GNAZ: variants seen among roughly 807,000 people sequenced by gnomAD.
GNAZ encodes G protein subunit alpha z.
GNAZ carries 3 observed loss-of-function variants against 25.4 expected under a neutral mutation model. That is an observed-to-expected ratio of 0.12 (90% CI 0.05 to 0.30). The LOEUF is 0.30. Ranked by LOEUF, GNAZ falls within the 10% of genes least tolerant of loss-of-function variation. The probability of loss-of-function intolerance (pLI) is 1.00; values close to 1 mark genes in which losing one functional copy is unlikely to be tolerated. For missense variants in GNAZ, 241 were observed against 501.8 expected (o/e 0.48, Z 4.97); for synonymous variants, 211 against 205.7 (o/e 1.03, Z -0.22).
At chr22:23,100,886 G>C (rs533799876) in intron 2 of GNAZ, among the ~76,000 whole-genome samples, 4 of 152,220 alleles carry the variant, frequency 2.6e-5, no homozygotes, top group African/African-American at 9.7e-5. Flanking sequence ...GCCCAAGGCC[G>C]TCCTGTGAAC....
Position 23,124,533 on chromosome 22 carries a change from T to C in GNAZ, c.*1102T>C, listed in dbSNP as rs1237025510. The stretch of plus-strand genomic sequence containing the variant: ...TTTATTTAAGAAAATAAACACGACA[T>C]ATTTAAAGAAGGTTCTTTCACCTGG... On this transcript the variant is annotated 3_prime_UTR_variant, in exon 3 of 3. Coordinates refer to ENST00000615612, the MANE Select transcript of GNAZ (RefSeq NM_002073.4). 6.8e-6 allele frequency: 2 copies of C among 293,004 alleles called. No individual in the cohort carries two copies. Among genetic ancestry groups the C allele is most frequent in the Non-Finnish European group, 1.5e-5 (2 of 130,898 alleles). The allele number at this position is 293,004 out of a possible 1,614,324, so 18.2% of individuals were successfully genotyped here.
chr22:23,086,717 C>G (rs1202786192), intron 1 of GNAZ, among the ~76,000 whole-genome samples: 2 of 152,242 alleles, frequency 1.3e-5, no homozygotes, highest in Non-Finnish European at 2.9e-5. Context: ...GACACTGGAC[C>G]ATGACCAGAC....
chr22:23,078,498 G>A (rs978605274), intron 1 of GNAZ, among the ~76,000 whole-genome samples: 4 of 152,300 alleles, frequency 2.6e-5, no homozygotes, highest in Admixed American at 2.6e-4. Context: ...CATCTCTGTC[G>A]TGGCTCCTGG....
intron 1 of GNAZ, among the ~76,000 whole-genome samples, chr22:23,087,078 C>A (rs1315078594): frequency 6.6e-6 from 1 of 152,194 alleles, no homozygotes; most frequent in African/African-American, 2.4e-5. Flanking sequence ...GCCACAGGCA[C>A]AGGCTTTTCC....
At chr22:23,096,465 GT>G in intron 2 of GNAZ, 47 bp downstream of exon 2, 1 of 1,553,058 alleles carries the variant, frequency 6.4e-7, no homozygotes, top group Admixed American at 1.7e-5. Context: ...GCTGTCGTGG[GT>G]TCCTGGAAGC....
intron 2 of GNAZ, among the ~76,000 whole-genome samples, chr22:23,106,045 A>G (rs1436027594): frequency 6.6e-6 from 1 of 152,106 alleles, no homozygotes; most frequent in African/African-American, 2.4e-5. Flanking sequence ...CCATCTTGGA[A>G]TTTTCTGTCC....
chr22:23,080,393 C>T (rs950308034), intron 1 of GNAZ, among the ~76,000 whole-genome samples: 1 of 148,612 alleles, frequency 6.7e-6, no homozygotes, highest in Non-Finnish European at 1.5e-5. Flanking sequence ...ATCTCCCCTT[C>T]CTTTAGCAGA....
chr22:23,092,838 A>G (rs2069022038), intron 1 of GNAZ, among the ~76,000 whole-genome samples: 1 of 152,184 alleles, frequency 6.6e-6, no homozygotes, highest in Non-Finnish European at 1.5e-5. Context: ...GCCTGGCTGT[A>G]CCTCAGATTT....
chr22:23,078,128 G>A (rs971269899), intron 1 of GNAZ, among the ~76,000 whole-genome samples: 5 of 152,326 alleles, frequency 3.3e-5, no homozygotes, highest in East Asian at 1.9e-4. Flanking sequence ...GCCTGTCTCC[G>A]AGCTGGGCTT....
At chr22:23,098,890 G>A (rs2069205845) in intron 2 of GNAZ, among the ~76,000 whole-genome samples, 1 of 152,260 alleles carries the variant, frequency 6.6e-6, no homozygotes, top group Non-Finnish European at 1.5e-5. Context: ...TGCTGGCACG[G>A]GCTGGCACAG....
At chr22:23,089,909 AG>A (rs1307913627) in intron 1 of GNAZ, among the ~76,000 whole-genome samples, 8 of 152,152 alleles carry the variant, frequency 5.3e-5, no homozygotes, top group Non-Finnish European at 1.0e-4. Context: ...GGGAGGAGGC[AG>A]GCAGGTGCAG....
At chr22:23,087,254 C>T (rs2068845439) in intron 1 of GNAZ, among the ~76,000 whole-genome samples, 1 of 152,074 alleles carries the variant, frequency 6.6e-6, no homozygotes, top group Non-Finnish European at 1.5e-5. Flanking sequence ...TTGCTTGAGC[C>T]CAGGAGTTCG....
At chr22:23,078,055 T>C (rs532766712) in intron 1 of GNAZ, among the ~76,000 whole-genome samples, 5 of 152,288 alleles carry the variant, frequency 3.3e-5, no homozygotes, top group African/African-American at 1.2e-4. Flanking sequence ...CCCAGCCCTC[T>C]TGCTTCCTGT....
chr22:23,092,740 G>A lies in GNAZ; in HGVS notation c.-449-2507G>A, dbSNP rs374603182. Among the ~76,000 whole-genome samples, 26 of 152,306 alleles carry A rather than the reference G, an allele frequency of 1.7e-4. No individual in the cohort carries two copies. The East Asian group carries it at 3.5e-3, about 20-fold the overall frequency. The stretch of plus-strand genomic sequence containing the variant: ...CTGCTCTCCTGATTCCCCAGCCTTG[G>A]AGCCAGGGAGCACATACATCCCAAA... On this transcript the variant is annotated intron_variant, in intron 1 of 2. Coordinates refer to ENST00000615612, the MANE Select transcript of GNAZ (RefSeq NM_002073.4).
intron 2 of GNAZ, among the ~76,000 whole-genome samples, chr22:23,103,596 C>T (rs1017377451): frequency 5.3e-5 from 8 of 152,218 alleles, no homozygotes; most frequent in Non-Finnish European, 8.8e-5. Flanking sequence ...CGCTCTTCCT[C>T]GGCAGATTTA....
chr22:23,109,163 C>T (rs1225128940), intron 2 of GNAZ, among the ~76,000 whole-genome samples: 1 of 152,182 alleles, frequency 6.6e-6, no homozygotes, highest in Non-Finnish European at 1.5e-5. Context: ...CACTGTCACC[C>T]AGAATAACTG....
At chr22:23,084,746 A>G (rs3788345) in intron 1 of GNAZ, among the ~76,000 whole-genome samples, 52,329 of 152,080 alleles carry the variant, frequency 0.34, 9,802 homozygotes, top group African/African-American at 0.5. Flanking sequence ...AGCTGGACAG[A>G]GAGCCATTCA....
At chr22:23,096,529 C>T in intron 2 of GNAZ, 111 bp downstream of exon 2, 2 of 1,142,902 alleles carry the variant, frequency 1.7e-6, no homozygotes, top group Non-Finnish European at 2.5e-6. Context: ...GAACCAGGCG[C>T]AGGCCTGGCC....
At chr22:23,117,004 C>T (rs940620498) in intron 2 of GNAZ, among the ~76,000 whole-genome samples, 3 of 152,162 alleles carry the variant, frequency 2.0e-5, no homozygotes, top group South Asian at 2.1e-4. Flanking sequence ...GGAATATGCG[C>T]GCACCTGCTG....
Sources: allele counts gnomAD v4.1 joint callset (sites outside exome capture counted in the v4.1 genomes callset), GRCh38; gene constraint gnomAD v4.1.1; transcripts MANE v1.5; gene names NCBI Gene and HGNC (gene_info 2026-07-23, HGNC 2026-07-21).